The following GTF2F2 variants were observed in gnomAD, a reference collection of about 807,000 sequenced individuals.
GTF2F2 encodes the protein ATP-dependent helicase GTF2F2.
Under a neutral mutation model 42.2 loss-of-function variants are expected in GTF2F2, and 23 were observed. The observed-to-expected ratio is 0.55, with a 90% CI of 0.39 to 0.77. The LOEUF is 0.77. Ranked by LOEUF, GTF2F2 falls within the 30% of genes least tolerant of loss-of-function variation. GTF2F2 has a pLI of 0.00. For synonymous variants in GTF2F2, 105 were observed against 100.8 expected, an observed-to-expected ratio of 1.04 and a Z score of -0.25; for missense variants, 261 against 287.2, an observed-to-expected ratio of 0.91 and a Z score of 0.66.
chr13:45,216,593 C>G (rs1339325942), intron 5 of GTF2F2, among the ~76,000 whole-genome samples: 1 of 152,170 alleles, frequency 6.6e-6, no homozygotes, highest in East Asian at 1.9e-4. Context: ...CTCAGCCCAC[C>G]GCAACCTCTG....
intron 7 of GTF2F2, among the ~76,000 whole-genome samples, chr13:45,279,413 G>C (rs2138278808): frequency 6.6e-6 from 1 of 152,296 alleles, no homozygotes; most frequent in South Asian, 2.1e-4. Context: ...AGTTTAGTCA[G>C]TAAACTTTGT....
intron 5 of GTF2F2, among the ~76,000 whole-genome samples, chr13:45,248,353 C>G (rs748503523): frequency 3.9e-5 from 6 of 152,046 alleles, no homozygotes; most frequent in Non-Finnish European, 7.4e-5. Flanking sequence ...CATGGTTAGT[C>G]CTGGCATTTG....
intron 5 of GTF2F2, among the ~76,000 whole-genome samples, chr13:45,231,543 A>T (rs982055628): frequency 6.6e-6 from 1 of 152,226 alleles, no homozygotes; most frequent in Non-Finnish European, 1.5e-5. Flanking sequence ...ATGAATCAAT[A>T]GGGAGTCCTC....
intron 5 of GTF2F2, among the ~76,000 whole-genome samples, chr13:45,237,826 C>G (rs1192556094): frequency 2.6e-5 from 4 of 152,194 alleles, no homozygotes; most frequent in Admixed American, 2.6e-4. Flanking sequence ...CATTTTTGCT[C>G]TCTTTAATAT....
intron 4 of GTF2F2, among the ~76,000 whole-genome samples, chr13:45,161,105 T>A (rs559662480): frequency 6.6e-6 from 1 of 152,252 alleles, no homozygotes; most frequent in Admixed American, 6.5e-5. Flanking sequence ...ACAGACTTTT[T>A]AAAAAATTGC....
At chr13:45,233,507 C>T (rs1874793415) in intron 5 of GTF2F2, among the ~76,000 whole-genome samples, 1 of 152,196 alleles carries the variant, frequency 6.6e-6, no homozygotes, top group South Asian at 2.1e-4. Context: ...GCCAATTGAG[C>T]ATATCACTGT....
intron 1 of GTF2F2, 52 bp downstream of exon 1, chr13:45,120,773 A>T: frequency 5.2e-6 from 7 of 1,346,214 alleles, no homozygotes. Flanking sequence ...AGTATAGTTT[A>T]AGTAACTTGA....
intron 7 of GTF2F2, 52 bp downstream of exon 7, chr13:45,267,428 G>A (rs1444838126): frequency 5.8e-6 from 7 of 1,206,556 alleles, no homozygotes; most frequent in African/African-American, 1.6e-5. Context: ...TCATTAACAC[G>A]ACATTACTGA....
intron 4 of GTF2F2, among the ~76,000 whole-genome samples, chr13:45,164,283 A>G (rs568795931): frequency 1.3e-5 from 2 of 152,184 alleles, no homozygotes; most frequent in African/African-American, 2.4e-5. Flanking sequence ...GTCTCAAAAA[A>G]AAAAAAAGAG....
chr13:45,139,334 C>A (rs1005796626), intron 2 of GTF2F2, among the ~76,000 whole-genome samples: 2 of 152,084 alleles, frequency 1.3e-5, no homozygotes, highest in African/African-American at 4.8e-5. Context: ...AAGTAAAAAT[C>A]AAAAAATGTA....
intron 2 of GTF2F2, among the ~76,000 whole-genome samples, chr13:45,138,229 T>C (rs1282094000): frequency 6.6e-6 from 1 of 152,206 alleles, no homozygotes; most frequent in African/African-American, 2.4e-5. Context: ...TTTCCTTTTC[T>C]CTCTTTTCAC....
At position 45,207,521 on chromosome 13, in the gene GTF2F2, C is replaced by T. The variant is rs768428346; in HGVS notation, c.386+16C>T. ...GATTAAAAAGGTTGGTGTTTTGTAA[C>T]TCCAGAATGATACCTGATATTTCCC... On this transcript the variant is annotated intron_variant, in intron 5 of 7. Coordinates refer to ENST00000340473, the MANE Select transcript of GTF2F2 (RefSeq NM_004128.3). The T allele has an allele frequency of 6.7e-7, 1 of 1,493,132 alleles. No homozygotes were observed. Among genetic ancestry groups the T allele is most frequent in the South Asian group, 1.1e-5 (1 of 88,514 alleles). 92.5% of individuals were successfully genotyped at this position (1,493,132 alleles called of 1,614,324 possible).
chr13:45,274,484 A>G (rs548859859), intron 7 of GTF2F2, among the ~76,000 whole-genome samples: 9 of 151,526 alleles, frequency 5.9e-5, no homozygotes, highest in Non-Finnish European at 1.2e-4. Flanking sequence ...ATGCCACCAC[A>G]CCTAGCTAAT....
chr13:45,226,865 C>T (rs1028978081), intron 5 of GTF2F2, among the ~76,000 whole-genome samples: 7 of 152,110 alleles, frequency 4.6e-5, no homozygotes, highest in Non-Finnish European at 8.8e-5. Context: ...AGTTTTGTTG[C>T]TATTGTAAAT....
intron 5 of GTF2F2, among the ~76,000 whole-genome samples, chr13:45,241,399 G>A (rs1447166575): frequency 6.6e-6 from 1 of 152,026 alleles, no homozygotes; most frequent in Non-Finnish European, 1.5e-5. Flanking sequence ...AGACATTTGA[G>A]TTTGTGATTC....
At chr13:45,179,945 A>G (rs1045110235) in intron 4 of GTF2F2, among the ~76,000 whole-genome samples, 4 of 152,140 alleles carry the variant, frequency 2.6e-5, no homozygotes, top group African/African-American at 7.2e-5. Context: ...GTTTCTTTTA[A>G]GTTGGGAGGT....
At chr13:45,192,590 A>G (rs1386126966) in intron 4 of GTF2F2, among the ~76,000 whole-genome samples, 1 of 152,210 alleles carries the variant, frequency 6.6e-6, no homozygotes, top group African/African-American at 2.4e-5. Flanking sequence ...AGAACAAGTG[A>G]AATGATTTAG....
intron 4 of GTF2F2, among the ~76,000 whole-genome samples, chr13:45,156,671 G>A (rs1376100109): frequency 6.6e-6 from 1 of 152,206 alleles, no homozygotes; most frequent in African/African-American, 2.4e-5. Context: ...TGAATCGGCT[G>A]TGAGGAAATT....
intron 4 of GTF2F2, among the ~76,000 whole-genome samples, chr13:45,202,888 G>A (rs1289537565): frequency 6.6e-6 from 1 of 152,114 alleles, no homozygotes; most frequent in Non-Finnish European, 1.5e-5. Context: ...GGGAGGCGGA[G>A]GTTTCAGTGA....
Sources: allele counts gnomAD v4.1 joint callset (sites outside exome capture counted in the v4.1 genomes callset), GRCh38; gene constraint gnomAD v4.1.1; transcripts MANE v1.5; gene names NCBI Gene and HGNC (gene_info 2026-07-23, HGNC 2026-07-21).